DOCK4: variants seen among roughly 807,000 people sequenced by gnomAD.
DOCK4 encodes the protein dedicator of cytokinesis 4, also known as dedicator of cytokinesis protein 4.
Under a neutral mutation model 268.1 loss-of-function variants are expected in DOCK4, and 97 were observed. The ratio of observed to expected loss-of-function variants is 0.36; its 90% CI spans 0.31 to 0.43. The LOEUF is 0.43. DOCK4 is among the 20% of genes least tolerant of loss of function. DOCK4 has a pLI of 1.00. For synonymous variants in DOCK4, 954 were observed against 887.2 expected, an observed-to-expected ratio of 1.08 and a Z score of -1.34; for missense variants, 2,145 against 2,455.7, an observed-to-expected ratio of 0.87 and a Z score of 2.67.
At chr7:111,853,866 T>C (rs1804785035) in intron 23 of DOCK4, among the ~76,000 whole-genome samples, 1 of 152,210 alleles carries the variant, frequency 6.6e-6, no homozygotes, top group South Asian at 2.1e-4. Flanking sequence ...GCTCAAAAAG[T>C]TGCTTTTCCA....
Position 111,863,788 on chromosome 7 carries a change from AT to A in DOCK4, c.2281-225del, listed in dbSNP as rs1805752947. ...GCAGCAGCATAATAAAAACTGGGAA[AT>A]TTTGGAAAATCACTGACATTAGCAA... On this transcript the variant is annotated intron_variant, in intron 22 of 52. Transcript: ENST00000428084. 1.3e-5 allele frequency among the ~76,000 whole-genome samples: 2 copies of A among 152,230 alleles called. 1 individual carries two copies. Among genetic ancestry groups the A allele is most frequent in the Admixed American group, 1.3e-4 (2 of 15,290 alleles).
intron 50 of DOCK4, among the ~76,000 whole-genome samples, chr7:111,735,432 G>C (rs1795408548): frequency 6.6e-6 from 1 of 152,182 alleles, no homozygotes; most frequent in African/African-American, 2.4e-5. Context: ...TGTAAAACTT[G>C]CTGAGAATTA....
chr7:111,914,830 T>A (rs904238673), intron 13 of DOCK4, among the ~76,000 whole-genome samples: 1 of 152,242 alleles, frequency 6.6e-6, no homozygotes, highest in African/African-American at 2.4e-5. Context: ...GTAAGTCCTA[T>A]GGGTTTCTTC....
At chr7:111,757,088 G>A (rs974188365) in intron 41 of DOCK4, among the ~76,000 whole-genome samples, 3 of 152,044 alleles carry the variant, frequency 2.0e-5, no homozygotes, top group South Asian at 2.1e-4. Context: ...AGGGCTTGGC[G>A]GGAGAGGAAG....
In DOCK4 at chr7:112,066,755, C is replaced by T. The variant is rs564227166; in HGVS notation, c.38-62624G>A. Among the ~76,000 whole-genome samples the T allele has an allele frequency of 1.7e-4, 21 of 122,126 alleles. No homozygotes were observed. The South Asian group carries it at 2.6e-3, about 15-fold the overall frequency. The allele number at this position is 122,126 out of a possible 152,430, so 80.1% of individuals were successfully genotyped here. A position where few individuals can be genotyped will look rare whatever the true frequency, so the allele number is the denominator to read the frequency against. On this transcript the variant is annotated intron_variant, in intron 1 of 52. Transcript: ENST00000428084. ...TATATATATATATCTCCTATTGGCT[C>T]TGTGTCTCTGGAGAACCCAAATTAA...
intron 1 of DOCK4, among the ~76,000 whole-genome samples, chr7:112,120,981 A>G (rs1182084337): frequency 6.6e-6 from 1 of 152,234 alleles, no homozygotes; most frequent in East Asian, 1.9e-4. Flanking sequence ...CAGAGGATTC[A>G]GCCTACGAGA....
chr7:112,201,139 C>T (rs1032886026), intron 1 of DOCK4, among the ~76,000 whole-genome samples: 2 of 152,128 alleles, frequency 1.3e-5, no homozygotes, highest in South Asian at 2.1e-4. Flanking sequence ...ATCCTTATTA[C>T]GCTCTATCAC....
intron 1 of DOCK4, among the ~76,000 whole-genome samples, chr7:112,041,065 G>A (rs1173947762): frequency 1.3e-5 from 2 of 152,072 alleles, no homozygotes; most frequent in Non-Finnish European, 2.9e-5. Context: ...AGGCTCAGAT[G>A]CAGCTCTGAG....
intron 41 of DOCK4, among the ~76,000 whole-genome samples, chr7:111,756,839 G>C (rs546883112): frequency 1.3e-5 from 2 of 152,070 alleles, no homozygotes; most frequent in Admixed American, 1.3e-4. Flanking sequence ...ACAAGAGCTC[G>C]CAGTGTTCTG....
chr7:112,058,289 C>T lies in DOCK4; in HGVS notation c.38-54158G>A, dbSNP rs542296972. ...ATTTGTTTTTAATAAATCATTAAAG[C>T]CTCTGTTATAAGGAACAGCAAACAT... On this transcript the variant is annotated intron_variant, in intron 1 of 52. Coordinates refer to ENST00000428084, the MANE Select transcript of DOCK4 (RefSeq NM_001363540.2). Among the ~76,000 whole-genome samples the T allele has an allele frequency of 2.6e-5, 4 of 152,124 alleles. No homozygotes were observed. In the South Asian group the frequency reaches 6.2e-4, roughly 24 times the overall value.
At chr7:112,185,020 A>G (rs1819381147) in intron 1 of DOCK4, among the ~76,000 whole-genome samples, 1 of 152,240 alleles carries the variant, frequency 6.6e-6, no homozygotes, top group Non-Finnish European at 1.5e-5. Context: ...TCTTTACAGA[A>G]CAGGAAACTA....
chr7:111,739,337 T>C, intron 48 of DOCK4, 59 bp downstream of exon 48: 1 of 1,594,886 alleles, frequency 6.3e-7, no homozygotes, highest in Non-Finnish European at 8.6e-7. Flanking sequence ...CTGGCCACAG[T>C]TCCCAGGACT....
intron 25 of DOCK4, among the ~76,000 whole-genome samples, chr7:111,844,151 T>A (rs1803907893): frequency 6.6e-6 from 1 of 152,160 alleles, no homozygotes; most frequent in South Asian, 2.1e-4. Flanking sequence ...GGCGGGCATC[T>A]GTAATCCCAG....
At chr7:112,134,632 C>T (rs1814142829) in intron 1 of DOCK4, among the ~76,000 whole-genome samples, 1 of 152,258 alleles carries the variant, frequency 6.6e-6, no homozygotes, top group Non-Finnish European at 1.5e-5. Flanking sequence ...AGGAGAATGG[C>T]GTGAACCCGG....
intron 1 of DOCK4, among the ~76,000 whole-genome samples, chr7:112,203,149 C>A (rs1460911142): frequency 6.6e-6 from 1 of 152,200 alleles, no homozygotes; most frequent in Non-Finnish European, 1.5e-5. Flanking sequence ...AAGTGATTTA[C>A]CTAAGGTTAC....
At chr7:111,730,435 G>A (rs1795003172) in intron 52 of DOCK4, among the ~76,000 whole-genome samples, 1 of 152,124 alleles carries the variant, frequency 6.6e-6, no homozygotes, top group Non-Finnish European at 1.5e-5. Context: ...AAGCTAACTT[G>A]ACTTTGGTTT....
At chr7:111,758,543 G>A (rs1797186085) in intron 41 of DOCK4, 81 bp downstream of exon 41, 2 of 1,473,718 alleles carry the variant, frequency 1.4e-6, no homozygotes, top group Non-Finnish European at 1.9e-6. Context: ...ACTATTCTGA[G>A]TAAATATTTA....
chr7:112,028,576 C>G (rs1432800159), intron 1 of DOCK4, among the ~76,000 whole-genome samples: 1 of 152,188 alleles, frequency 6.6e-6, no homozygotes, highest in Non-Finnish European at 1.5e-5. Context: ...TTTCTAGTCT[C>G]TTTAAGAATT....
At chr7:112,029,161 G>A (rs193239749) in intron 1 of DOCK4, among the ~76,000 whole-genome samples, 41 of 152,176 alleles carry the variant, frequency 2.7e-4, no homozygotes, top group African/African-American at 8.9e-4. Flanking sequence ...CATCACTGGC[G>A]TCCACTGGAT....
Sources: gnomAD v4.1 joint callset for allele counts (sites outside exome capture counted in the v4.1 genomes callset) on GRCh38, gnomAD v4.1.1 for gene constraint, MANE v1.5 for transcripts, NCBI Gene and HGNC (gene_info 2026-07-23, HGNC 2026-07-21) for gene names.